The following PCDH9 variants were observed in gnomAD, a reference collection of about 807,000 sequenced individuals.
The protein encoded by PCDH9 is protocadherin-9.
Under a neutral mutation model 70.6 loss-of-function variants are expected in PCDH9, and 24 were observed. That is an observed-to-expected ratio of 0.34 (90% CI 0.25 to 0.48). The LOEUF (loss-of-function observed/expected upper bound fraction) is 0.48, where lower values mean the gene tolerates loss of function less well. PCDH9 is among the 20% of genes least tolerant of loss of function. PCDH9 has a pLI of 0.99. For missense variants in PCDH9, 1,281 were observed against 1,503.6 expected, an observed-to-expected ratio of 0.85 and a Z score of 2.45; for synonymous variants, 562 against 558.5, an observed-to-expected ratio of 1.01 and a Z score of -0.09.
chr13:66,455,629 G>A (rs1212894059), intron 4 of PCDH9, among the ~76,000 whole-genome samples: 2 of 152,050 alleles, frequency 1.3e-5, no homozygotes, highest in Non-Finnish European at 2.9e-5. Context: ...AAATTGCTCA[G>A]TGGGTCTATT....
At chr13:66,531,877 C>T (rs1350698322) in intron 4 of PCDH9, among the ~76,000 whole-genome samples, 4 of 152,136 alleles carry the variant, frequency 2.6e-5, no homozygotes, top group African/African-American at 9.7e-5. Context: ...TACATGCTTG[C>T]ATTAACTTAA....
At chr13:67,179,809 T>G (rs949049164) in intron 2 of PCDH9, among the ~76,000 whole-genome samples, 1 of 152,104 alleles carries the variant, frequency 6.6e-6, no homozygotes, top group Non-Finnish European at 1.5e-5. Flanking sequence ...GGGTGTGTTA[T>G]CATTACTTCT....
intron 3 of PCDH9, among the ~76,000 whole-genome samples, chr13:66,765,000 GTC>G (rs1003735095): frequency 3.3e-5 from 5 of 150,722 alleles, no homozygotes; most frequent in African/African-American, 1.2e-4. Context: ...TTGTCCATCT[GTC>G]TCTCTCTCTG....
chr13:66,966,899 A>G (rs1468150884), intron 2 of PCDH9, among the ~76,000 whole-genome samples: 1 of 152,140 alleles, frequency 6.6e-6, no homozygotes, highest in Admixed American at 6.6e-5. Context: ...GAATCAGGAT[A>G]TGTAAGCAAA....
At chr13:66,580,042 G>A (rs1198735042) in intron 4 of PCDH9, among the ~76,000 whole-genome samples, 1 of 151,816 alleles carries the variant, frequency 6.6e-6, no homozygotes, top group East Asian at 1.9e-4. Context: ...AAGTTTCCAG[G>A]AGCAATAGGA....
rs1345463566 is a variant in PCDH9, at chr13:66,934,751, C to T, written c.3037-31146G>A. ...TTTTTTTTTTTTTGAGACGGAGTCT[C>T]GCTCTGTCGCCCAGGCTGGAGTGCA... On this transcript the variant is annotated intron_variant, in intron 2 of 4. Transcript: ENST00000377865. Among the ~76,000 whole-genome samples the T allele has an allele frequency of 7.6e-5, 8 of 105,666 alleles. No homozygotes were observed. In the South Asian group the frequency reaches 1.1e-3, roughly 14 times the overall value. 69.3% of individuals were successfully genotyped at this position (105,666 alleles called of 152,430 possible).
At chr13:67,180,032 A>G (rs2088574645) in intron 2 of PCDH9, among the ~76,000 whole-genome samples, 1 of 152,138 alleles carries the variant, frequency 6.6e-6, no homozygotes, top group African/African-American at 2.4e-5. Flanking sequence ...CTAGATTAGA[A>G]CTTTTAAATC....
chr13:66,900,922 A>T (rs372444777), intron 3 of PCDH9, among the ~76,000 whole-genome samples: 2 of 151,890 alleles, frequency 1.3e-5, no homozygotes, highest in South Asian at 4.1e-4. Context: ...CTCAGTACAG[A>T]ATTAAATATA....
chr13:66,653,312 G>GA (rs1382264267), intron 3 of PCDH9, among the ~76,000 whole-genome samples: 4 of 151,952 alleles, frequency 2.6e-5, no homozygotes, highest in South Asian at 2.1e-4. Flanking sequence ...AAGTCAACAG[G>GA]AAAAAAACCC....
intron 4 of PCDH9, among the ~76,000 whole-genome samples, chr13:66,325,721 T>C (rs1955831268): frequency 6.6e-6 from 1 of 151,218 alleles, no homozygotes; most frequent in Non-Finnish European, 1.5e-5. Flanking sequence ...CATACATCAA[T>C]GGGAGGTCAC....
At chr13:66,688,092 T>G (rs1317533248) in intron 3 of PCDH9, among the ~76,000 whole-genome samples, 1 of 152,092 alleles carries the variant, frequency 6.6e-6, no homozygotes, top group South Asian at 2.1e-4. Flanking sequence ...TTCTAACACT[T>G]CCTCTTCTAT....
chr13:66,817,220 A>T lies in PCDH9; in HGVS notation c.3138+86284T>A, dbSNP rs183734406. 2.1e-3 allele frequency among the ~76,000 whole-genome samples: 327 copies of T among 152,146 alleles called. 1 individual carries two copies. Among genetic ancestry groups the T allele is most frequent in the Middle Eastern group, 6.8e-3 (2 of 294 alleles). ...GATTTTGGTATTGCCTGGGGTCCTG[A>T]CCCCATTCCACAAGAGCTGCATAAC... On this transcript the variant is annotated intron_variant, in intron 3 of 4. Coordinates refer to ENST00000377865, the MANE Select transcript of PCDH9 (RefSeq NM_203487.3).
chr13:66,930,979 A>G (rs2082798342), intron 2 of PCDH9, among the ~76,000 whole-genome samples: 1 of 152,168 alleles, frequency 6.6e-6, no homozygotes, highest in Non-Finnish European at 1.5e-5. Context: ...ATGTGCAGGA[A>G]ATACTTGAAC....
chr13:66,669,176 T>G (rs1345455556), intron 3 of PCDH9, among the ~76,000 whole-genome samples: 1 of 152,298 alleles, frequency 6.6e-6, no homozygotes, highest in South Asian at 2.1e-4. Flanking sequence ...AGATAAAATT[T>G]AGTTCCTAAT....
intron 2 of PCDH9, among the ~76,000 whole-genome samples, chr13:67,090,323 C>T (rs184104466): frequency 6.1e-4 from 92 of 152,022 alleles, no homozygotes; most frequent in East Asian, 5.4e-3. Context: ...CCAAGTGATA[C>T]TAATGTTGCT....
chr13:66,969,352 A>G (rs1401020550), intron 2 of PCDH9, among the ~76,000 whole-genome samples: 2 of 151,952 alleles, frequency 1.3e-5, no homozygotes, highest in Non-Finnish European at 2.9e-5. Context: ...TTTCCATTTC[A>G]ATGTCTTATT....
At chr13:66,436,386 T>A (rs2138388581) in intron 4 of PCDH9, among the ~76,000 whole-genome samples, 1 of 152,300 alleles carries the variant, frequency 6.6e-6, no homozygotes, top group African/African-American at 2.4e-5. Flanking sequence ...TTCAGAACTG[T>A]GAGAAAATGA....
intron 3 of PCDH9, among the ~76,000 whole-genome samples, chr13:66,753,103 T>C (rs1385603731): frequency 6.6e-6 from 1 of 152,194 alleles, no homozygotes; most frequent in Non-Finnish European, 1.5e-5. Flanking sequence ...AAATCCTTCA[T>C]AGCTTTATTT....
At chr13:66,876,972 C>T (rs1261821339) in intron 3 of PCDH9, 1 of 151,698 alleles carries the variant, frequency 6.6e-6, no homozygotes, top group East Asian at 1.9e-4. Flanking sequence ...ATAGATTTAA[C>T]TGAGTAGATT....
Sources: allele counts gnomAD v4.1 joint callset (sites outside exome capture counted in the v4.1 genomes callset), GRCh38; gene constraint gnomAD v4.1.1; transcripts MANE v1.5; gene names NCBI Gene and HGNC (gene_info 2026-07-23, HGNC 2026-07-21).